The following SCFD2 variants were observed in gnomAD, a reference collection of about 807,000 sequenced individuals.
SCFD2 encodes the protein sec1 family domain containing 2, also known as sec1 family domain-containing protein 2.
In SCFD2, 54 loss-of-function variants were observed where a neutral mutation model predicts 58.9. That is an observed-to-expected ratio of 0.92 (90% CI 0.74 to 1.15). The LOEUF is 1.15. Ranked by LOEUF, SCFD2 falls within the 50% of genes most tolerant of loss-of-function variation. The probability of loss-of-function intolerance (pLI) is 0.00; values close to 1 mark genes in which losing one functional copy is unlikely to be tolerated. For synonymous variants in SCFD2, 321 were observed against 335.9 expected (o/e 0.96, Z 0.49); for missense variants, 805 against 836.6 (o/e 0.96, Z 0.47).
intron 4 of SCFD2, among the ~76,000 whole-genome samples, chr4:53,169,291 G>C (rs1431908893): frequency 6.6e-6 from 1 of 152,136 alleles, no homozygotes; most frequent in Non-Finnish European, 1.5e-5. Context: ...TTGAACCTGG[G>C]AGGCAGTTTT....
At chr4:53,055,326 C>T (rs893750743) in intron 5 of SCFD2, among the ~76,000 whole-genome samples, 5 of 152,126 alleles carry the variant, frequency 3.3e-5, no homozygotes, top group African/African-American at 1.2e-4. Context: ...GTGACACTCT[C>T]CAAAGAGCAC....
intron 4 of SCFD2, among the ~76,000 whole-genome samples, chr4:53,183,794 A>G (rs1269143163): frequency 6.6e-6 from 1 of 152,192 alleles, no homozygotes; most frequent in Non-Finnish European, 1.5e-5. Context: ...ACTACTTAAC[A>G]GTTATAAAGA....
chr4:53,143,135 A>T (rs1726218945), intron 5 of SCFD2, among the ~76,000 whole-genome samples: 1 of 152,238 alleles, frequency 6.6e-6, no homozygotes, highest in Non-Finnish European at 1.5e-5. Flanking sequence ...GAAACTAATT[A>T]AAAAATGAAG....
intron 5 of SCFD2, among the ~76,000 whole-genome samples, chr4:53,139,217 T>C (rs533318796): frequency 1.4e-3 from 216 of 152,260 alleles, no homozygotes; most frequent in African/African-American, 4.8e-3. Flanking sequence ...CTCAGCTGGC[T>C]ACAACCTCCA....
chr4:53,111,964 G>C (rs1725184782), intron 5 of SCFD2, among the ~76,000 whole-genome samples: 1 of 152,022 alleles, frequency 6.6e-6, no homozygotes, highest in African/African-American at 2.4e-5. Flanking sequence ...TATAAAAGAG[G>C]AGCAGGAATT....
intron 3 of SCFD2, among the ~76,000 whole-genome samples, chr4:53,296,474 G>A (rs1458394330): frequency 9.9e-5 from 15 of 152,042 alleles, no homozygotes; most frequent in South Asian, 4.2e-4. Context: ...CTGTGGGATC[G>A]GTGGTGATAT....
At chr4:53,271,373 G>T (rs1378029125) in intron 4 of SCFD2, among the ~76,000 whole-genome samples, 1 of 151,776 alleles carries the variant, frequency 6.6e-6, no homozygotes, top group African/African-American at 2.4e-5. Context: ...AGTATAGATT[G>T]CATAAATAAA....
At chr4:53,094,672 G>C (rs1724566619) in intron 5 of SCFD2, among the ~76,000 whole-genome samples, 1 of 151,592 alleles carries the variant, frequency 6.6e-6, no homozygotes, top group African/African-American at 2.4e-5. Flanking sequence ...ATCTCTGTTG[G>C]ACCATTTTCA....
chr4:53,207,226 G>A (rs568102147), intron 4 of SCFD2, among the ~76,000 whole-genome samples: 7 of 150,470 alleles, frequency 4.7e-5, no homozygotes, highest in Admixed American at 2.7e-4. Context: ...GATGCATTAC[G>A]GATTAAGTTT....
chr4:53,001,170 A>T (rs1350571488), intron 5 of SCFD2, among the ~76,000 whole-genome samples: 2 of 152,184 alleles, frequency 1.3e-5, no homozygotes, highest in African/African-American at 4.8e-5. Flanking sequence ...TTTAGTGCTC[A>T]TGTTGTCTTT....
In SCFD2 at chr4:52,959,069, G is replaced by A. The variant is rs959390599; in HGVS notation, c.1562-38199C>T. Among the ~76,000 whole-genome samples, 3 of 152,172 alleles carry A rather than the reference G, an allele frequency of 2.0e-5. No individual in the cohort carries two copies. The South Asian group carries it at 6.2e-4, about 32-fold the overall frequency. Reference sequence around the variant, plus strand: ...TTTGCAGAGTGCCTCATGGTTCAGAGGTGGTCACGTTGGCATTTGAATCCA... The same window carrying A: ...TTTGCAGAGTGCCTCATGGTTCAGAAGTGGTCACGTTGGCATTTGAATCCA... On this transcript the variant is annotated intron_variant, in intron 5 of 8. Coordinates refer to ENST00000401642, the MANE Select transcript of SCFD2 (RefSeq NM_152540.4).
intron 4 of SCFD2, among the ~76,000 whole-genome samples, chr4:53,188,513 T>C (rs779322705): frequency 4.6e-5 from 7 of 151,066 alleles, no homozygotes; most frequent in Non-Finnish European, 1.0e-4. Context: ...GCCAACTTCA[T>C]AAGGGAGCCA....
chr4:52,993,044 T>C (rs2148795923), intron 5 of SCFD2, among the ~76,000 whole-genome samples: 1 of 152,046 alleles, frequency 6.6e-6, no homozygotes, highest in South Asian at 2.1e-4. Context: ...TTTTGTTCTG[T>C]ACTAAGAAAA....
chr4:53,169,311 G>A (rs1389650082), intron 4 of SCFD2, among the ~76,000 whole-genome samples: 1 of 152,072 alleles, frequency 6.6e-6, no homozygotes, highest in Non-Finnish European at 1.5e-5. Context: ...TCAGTGAGCC[G>A]AGATGGCACC....
At chr4:53,082,267 A>T (rs146634374) in intron 5 of SCFD2, among the ~76,000 whole-genome samples, 170 of 152,252 alleles carry the variant, frequency 1.1e-3, no homozygotes, top group African/African-American at 2.9e-3. Flanking sequence ...GAACTGCCAA[A>T]CCATTTTCCA....
intron 5 of SCFD2, among the ~76,000 whole-genome samples, chr4:52,989,586 G>A (rs888348241): frequency 1.3e-5 from 2 of 152,128 alleles, no homozygotes; most frequent in Admixed American, 1.3e-4. Flanking sequence ...CTTCAAAGGA[G>A]TTCAGAAATT....
chr4:53,288,598 G>A (rs1046169540), intron 3 of SCFD2, among the ~76,000 whole-genome samples: 4 of 151,990 alleles, frequency 2.6e-5, no homozygotes, highest in African/African-American at 9.7e-5. Flanking sequence ...GTGCTGAAAG[G>A]AAAAATATGA....
intron 3 of SCFD2, among the ~76,000 whole-genome samples, chr4:53,311,225 T>C (rs1386434990): frequency 1.3e-5 from 2 of 152,096 alleles, no homozygotes; most frequent in Non-Finnish European, 2.9e-5. Context: ...ATGGTTGGAG[T>C]ATGCTTTGAA....
chr4:53,346,587 T>C (rs1234076022), intron 2 of SCFD2, among the ~76,000 whole-genome samples: 1 of 152,182 alleles, frequency 6.6e-6, no homozygotes, highest in East Asian at 1.9e-4. Flanking sequence ...GCCTCAAGTC[T>C]AATGTTACAA....
Sources: gnomAD v4.1 joint callset for allele counts (sites outside exome capture counted in the v4.1 genomes callset) on GRCh38, gnomAD v4.1.1 for gene constraint, MANE v1.5 for transcripts, NCBI Gene and HGNC (gene_info 2026-07-23, HGNC 2026-07-21) for gene names.